Variants in DLG2 observed in about 807,000 individuals in gnomAD.
DLG2 encodes discs large MAGUK scaffold protein 2, also known as disks large homolog 2.
Under a neutral mutation model 132.5 loss-of-function variants are expected in DLG2, and 45 were observed. The ratio of observed to expected loss-of-function variants is 0.34; its 90% CI spans 0.27 to 0.44. The LOEUF is 0.44. Among genes scored for constraint, DLG2 ranks in the 20% least tolerant of loss-of-function variants. The pLI, the probability that DLG2 is intolerant of heterozygous loss-of-function variation, is 1.00. For missense variants in DLG2, 1,045 were observed against 1,196.9 expected, an observed-to-expected ratio of 0.87 and a Z score of 1.87; for synonymous variants, 424 against 419.6, an observed-to-expected ratio of 1.01 and a Z score of -0.13.
chr11:85,299,849 A>G (rs1296311955), intron 3 of DLG2, among the ~76,000 whole-genome samples: 2 of 152,212 alleles, frequency 1.3e-5, no homozygotes, highest in African/African-American at 2.4e-5. Flanking sequence ...TCAGTACTGT[A>G]TAGAGCTTAC....
At chr11:83,620,869 CAAAAAA>C (rs56868518) in intron 19 of DLG2, among the ~76,000 whole-genome samples, 2 of 57,224 alleles carry the variant, frequency 3.5e-5, no homozygotes, top group African/African-American at 2.0e-4. Context: ...GACTCCGTCT[CAAAAAA>C]AAAAAAAAAA....
intron 15 of DLG2, among the ~76,000 whole-genome samples, chr11:83,885,504 A>G (rs1282381510): frequency 2.0e-5 from 3 of 152,250 alleles, no homozygotes; most frequent in African/African-American, 7.2e-5. Context: ...GGAGAATGGA[A>G]TCAAGCTGGA....
intron 21 of DLG2, among the ~76,000 whole-genome samples, chr11:83,520,164 A>G (rs2095426486): frequency 6.6e-6 from 1 of 152,254 alleles, no homozygotes; most frequent in Admixed American, 6.5e-5. Context: ...CGAATGGCAT[A>G]TCTGCAAACT....
intron 6 of DLG2, among the ~76,000 whole-genome samples, chr11:84,993,667 G>A (rs1234475883): frequency 1.5e-5 from 2 of 133,596 alleles, no homozygotes; most frequent in Non-Finnish European, 3.1e-5. Context: ...TTTGCTTTAG[G>A]CCTAGGAACC....
intron 19 of DLG2, among the ~76,000 whole-genome samples, chr11:83,593,937 C>G (rs1353334386): frequency 6.6e-6 from 1 of 151,860 alleles, no homozygotes; most frequent in Non-Finnish European, 1.5e-5. Flanking sequence ...CTTATTGAGA[C>G]TACTTAAAAA....
intron 20 of DLG2, among the ~76,000 whole-genome samples, chr11:83,533,080 A>G (rs1436733609): frequency 6.6e-6 from 1 of 152,164 alleles, no homozygotes; most frequent in Non-Finnish European, 1.5e-5. Flanking sequence ...AATTAAATCA[A>G]AATCTATTTC....
At chr11:85,586,445 A>G (rs1470217803) in intron 3 of DLG2, among the ~76,000 whole-genome samples, 2 of 152,046 alleles carry the variant, frequency 1.3e-5, no homozygotes, top group Non-Finnish European at 2.9e-5. Flanking sequence ...AGGGTTGTAT[A>G]TTTCTTGGAA....
At chr11:84,596,190 G>GTCTCTCTCTCTCTC (rs59824224) in intron 6 of DLG2, among the ~76,000 whole-genome samples, 2 of 144,734 alleles carry the variant, frequency 1.4e-5, no homozygotes, top group African/African-American at 2.6e-5. Flanking sequence ...TCTTTTCTCT[G>GTCTCTCTCTCTCTC]TCTCTCTCTC....
chr11:83,570,536 C>T (rs1593423124), intron 19 of DLG2, among the ~76,000 whole-genome samples: 1 of 151,972 alleles, frequency 6.6e-6, no homozygotes, highest in East Asian at 1.9e-4. Flanking sequence ...TATTCTGAAG[C>T]ACTTCAGAAT....
intron 6 of DLG2, among the ~76,000 whole-genome samples, chr11:84,568,141 C>A (rs763940198): frequency 6.6e-6 from 1 of 152,162 alleles, no homozygotes; most frequent in Non-Finnish European, 1.5e-5. Context: ...AAGAAAGGAA[C>A]CATACGTGAT....
intron 7 of DLG2, among the ~76,000 whole-genome samples, chr11:84,521,251 CA>C (rs1412910910): frequency 6.6e-6 from 1 of 152,132 alleles, no homozygotes; most frequent in Non-Finnish European, 1.5e-5. Context: ...AATAATAACT[CA>C]GTGATAACAA....
intron 12 of DLG2, among the ~76,000 whole-genome samples, chr11:83,967,691 T>A (rs71465567): frequency 0.042 from 6,471 of 152,284 alleles, 197 homozygotes; most frequent in Non-Finnish European, 0.067. Flanking sequence ...ATTTTGTTGA[T>A]TGTTTCCTTT....
chr11:84,279,422 T>G (rs1188444295), intron 7 of DLG2, among the ~76,000 whole-genome samples: 2 of 152,152 alleles, frequency 1.3e-5, no homozygotes, highest in African/African-American at 4.8e-5. Context: ...GACCTAGAAC[T>G]AGAAATACCA....
At chr11:83,761,919 T>A (rs1282760116) in intron 18 of DLG2, among the ~76,000 whole-genome samples, 1 of 152,136 alleles carries the variant, frequency 6.6e-6, no homozygotes, top group Admixed American at 6.5e-5. Flanking sequence ...TGGCTTGAAA[T>A]TTTCCCTTGA....
chr11:84,072,148 T>C (rs1282103025), intron 10 of DLG2, among the ~76,000 whole-genome samples: 1 of 152,254 alleles, frequency 6.6e-6, no homozygotes, highest in Non-Finnish European at 1.5e-5. Context: ...CACAGGGTTC[T>C]GTGGAACATA....
At chr11:84,389,933 G>C (rs1295292817) in intron 7 of DLG2, among the ~76,000 whole-genome samples, 1 of 152,106 alleles carries the variant, frequency 6.6e-6, no homozygotes. Context: ...GTTCAAAAAT[G>C]CTAACAACAG....
chr11:83,877,404 C>T (rs965824667), intron 15 of DLG2, among the ~76,000 whole-genome samples: 1 of 152,088 alleles, frequency 6.6e-6, no homozygotes, highest in African/African-American at 2.4e-5. Flanking sequence ...ATTATGGTCA[C>T]TAACCAAGAT....
At chr11:85,275,179 G>C (rs988200051) in intron 4 of DLG2, among the ~76,000 whole-genome samples, 1 of 152,146 alleles carries the variant, frequency 6.6e-6, no homozygotes, top group Non-Finnish European at 1.5e-5. Context: ...CTATCTTTAA[G>C]AAATTAGTTT....
intron 3 of DLG2, among the ~76,000 whole-genome samples, chr11:85,321,336 A>C (rs2081054195): frequency 6.6e-6 from 1 of 152,034 alleles, no homozygotes; most frequent in Non-Finnish European, 1.5e-5. Context: ...AGATGCTTGT[A>C]AGGTATTCCA....
Sources: allele counts gnomAD v4.1 joint callset (sites outside exome capture counted in the v4.1 genomes callset), GRCh38; gene constraint gnomAD v4.1.1; transcripts MANE v1.5; gene names NCBI Gene and HGNC (gene_info 2026-07-23, HGNC 2026-07-21).